Variants in INPP4B observed in about 807,000 individuals in gnomAD.
INPP4B encodes inositol polyphosphate-4-phosphatase type II B.
INPP4B carries 55 observed loss-of-function variants against 122.5 expected under a neutral mutation model. The observed-to-expected ratio is 0.45, with a 90% confidence interval of 0.36 to 0.56. The LOEUF is 0.56. Among genes scored for constraint, INPP4B ranks in the 20% least tolerant of loss-of-function variants. INPP4B has a pLI of 0.00. For missense variants in INPP4B, 1,000 were observed against 1,097.7 expected (o/e 0.91, Z 1.26); for synonymous variants, 403 against 388.7 (o/e 1.04, Z -0.43).
At chr4:142,263,680 A>AT (rs61694410) in intron 10 of INPP4B, among the ~76,000 whole-genome samples, 97 of 81,830 alleles carry the variant, frequency 1.2e-3, no homozygotes, top group Middle Eastern at 8.9e-3. Context: ...ATATATATAT[A>AT]ACATTGAACA....
chr4:142,284,931 A>C (rs540686470), intron 9 of INPP4B, among the ~76,000 whole-genome samples: 1 of 152,220 alleles, frequency 6.6e-6, no homozygotes, highest in East Asian at 1.9e-4. Flanking sequence ...TTGCTTGTGG[A>C]ATATAGCAAC....
chr4:142,376,833 C>T (rs1230923098), intron 7 of INPP4B, among the ~76,000 whole-genome samples: 1 of 151,950 alleles, frequency 6.6e-6, no homozygotes, highest in Non-Finnish European at 1.5e-5. Context: ...TTCCAGTTGC[C>T]TAATCCACAT....
At chr4:142,533,627 A>G (rs1827869707) in intron 2 of INPP4B, among the ~76,000 whole-genome samples, 1 of 152,164 alleles carries the variant, frequency 6.6e-6, no homozygotes, top group Non-Finnish European at 1.5e-5. Context: ...TTAGACTAAA[A>G]ACAGTTCGAG....
At chr4:142,685,818 T>A (rs1273518560) in intron 2 of INPP4B, among the ~76,000 whole-genome samples, 2 of 152,134 alleles carry the variant, frequency 1.3e-5, no homozygotes, top group Non-Finnish European at 2.9e-5. Flanking sequence ...ATAACATTTT[T>A]AAAATATGTG....
rs534406680 is a variant in INPP4B, at chr4:142,376,147, AAGTAAATT to A, written c.372+26783_372+26790del. Among the ~76,000 whole-genome samples, 39 of 152,202 alleles carry A rather than the reference AAGTAAATT, an allele frequency of 2.6e-4. No individual in the cohort carries two copies. In the East Asian group the frequency reaches 6.9e-3, roughly 27 times the overall value. ...ATATGGAATAAGTATTGAAATATTTAAGTAAATTAGTAAATTGTGACACAACTGAAACC... is the reference window on the plus strand; with the variant it reads ...ATATGGAATAAGTATTGAAATATTTAAGTAAATTGTGACACAACTGAAACC... On this transcript the variant is annotated intron_variant, in intron 7 of 25. Transcript: ENST00000262992.
intron 9 of INPP4B, chr4:142,287,719 AAC>A (rs1293273422): frequency 2.6e-5 from 4 of 152,198 alleles, no homozygotes; most frequent in African/African-American, 7.2e-5. Context: ...TAACAACAAG[AAC>A]ACACAGTTGA....
intron 7 of INPP4B, among the ~76,000 whole-genome samples, chr4:142,361,905 A>G (rs1029606687): frequency 6.6e-6 from 1 of 152,000 alleles, no homozygotes; most frequent in Admixed American, 6.6e-5. Context: ...CCACACATTT[A>G]TTTTGCTTAA....
intron 2 of INPP4B, among the ~76,000 whole-genome samples, chr4:142,720,795 C>CTATATA (rs1192287551): frequency 4.5e-4 from 15 of 33,602 alleles, no homozygotes; most frequent in East Asian, 1.4e-3. Flanking sequence ...CTCTCTCTCT[C>CTATATA]TCTCTCTCTC....
chr4:142,777,710 G>T (rs969843648), intron 1 of INPP4B, among the ~76,000 whole-genome samples: 2 of 152,140 alleles, frequency 1.3e-5, no homozygotes, highest in Admixed American at 6.5e-5. Flanking sequence ...ATCATACGAG[G>T]CAATGATTCT....
intron 2 of INPP4B, among the ~76,000 whole-genome samples, chr4:142,605,701 A>C (rs7686725): frequency 1 from 152,016 of 152,038 alleles, 75,997 homozygotes; most frequent in Non-Finnish European, 1. Context: ...CATTAATCAT[A>C]TGGGAAACAC....
intron 2 of INPP4B, among the ~76,000 whole-genome samples, chr4:142,601,826 AG>A (rs1375134328): frequency 1.3e-5 from 2 of 151,704 alleles, no homozygotes; most frequent in African/African-American, 4.8e-5. Flanking sequence ...AAAATTAGCC[AG>A]GTGTGGTGGC....
chr4:142,475,685 C>T (rs963859446), intron 2 of INPP4B, among the ~76,000 whole-genome samples: 15 of 152,098 alleles, frequency 9.9e-5, no homozygotes, highest in Non-Finnish European at 1.3e-4. Flanking sequence ...TCCACTTCAA[C>T]GATTTTATAG....
intron 7 of INPP4B, among the ~76,000 whole-genome samples, chr4:142,367,186 A>ATG (rs764327310): frequency 0.021 from 2,285 of 106,482 alleles, 23 homozygotes; most frequent in East Asian, 0.04. Flanking sequence ...TATACATGTA[A>ATG]TATGTGTGTG....
intron 1 of INPP4B, among the ~76,000 whole-genome samples, chr4:142,751,533 A>T (rs1299332084): frequency 6.6e-6 from 1 of 152,104 alleles, no homozygotes; most frequent in South Asian, 2.1e-4. Flanking sequence ...GCATCCCTGA[A>T]AATCTTCAAG....
intron 7 of INPP4B, among the ~76,000 whole-genome samples, chr4:142,347,217 A>G (rs1780574016): frequency 6.6e-6 from 1 of 152,096 alleles, no homozygotes; most frequent in African/African-American, 2.4e-5. Flanking sequence ...AGACTTAAAT[A>G]AAAGATGATG....
At chr4:142,146,132 A>T (rs1810583765) in intron 17 of INPP4B, 136 bp from the exon 18 acceptor site, 1 of 944,036 alleles carries the variant, frequency 1.1e-6, no homozygotes, top group African/African-American at 1.7e-5. Flanking sequence ...AATTCCCATT[A>T]ATTTGGTCAG....
At chr4:142,319,914 C>A (rs1364637511) in intron 7 of INPP4B, among the ~76,000 whole-genome samples, 1 of 152,178 alleles carries the variant, frequency 6.6e-6, no homozygotes, top group East Asian at 1.9e-4. Flanking sequence ...GAAGTCCAGG[C>A]ATGATATGGC....
At chr4:142,665,495 A>AT (rs1755877396) in intron 2 of INPP4B, among the ~76,000 whole-genome samples, 2 of 142,766 alleles carry the variant, frequency 1.4e-5, no homozygotes, top group Non-Finnish European at 3.0e-5. Context: ...CTCTGTCTCA[A>AT]AAAAAAAAAA....
At chr4:142,703,370 G>T (rs1400715013) in intron 2 of INPP4B, among the ~76,000 whole-genome samples, 1 of 152,172 alleles carries the variant, frequency 6.6e-6, no homozygotes, top group African/African-American at 2.4e-5. Flanking sequence ...CAGCAAGTTA[G>T]ATTCAATGGT....
Sources: allele counts gnomAD v4.1 joint callset (sites outside exome capture counted in the v4.1 genomes callset), GRCh38; gene constraint gnomAD v4.1.1; transcripts MANE v1.5; gene names NCBI Gene and HGNC (gene_info 2026-07-23, HGNC 2026-07-21).